PCM1: variants seen among roughly 807,000 people sequenced by gnomAD.
PCM1 encodes pericentriolar material 1 protein.
In PCM1, 157 loss-of-function variants were observed where a neutral mutation model predicts 241.9. The observed-to-expected ratio is 0.65, with a 90% CI of 0.57 to 0.74. PCM1 has a LOEUF of 0.74. PCM1 is among the 30% of genes least tolerant of loss of function. The probability of loss-of-function intolerance (pLI) is 0.00; values close to 1 mark genes in which losing one functional copy is unlikely to be tolerated. For synonymous variants in PCM1, 1,085 were observed against 784.9 expected (o/e 1.38, Z -6.39); for missense variants, 3,478 against 2,360.1 (o/e 1.47, Z -9.81).
At chr8:17,928,219 G>C (rs989526698) in intron 2 of PCM1, among the ~76,000 whole-genome samples, 3 of 152,138 alleles carry the variant, frequency 2.0e-5, no homozygotes, top group Admixed American at 2.0e-4. Context: ...TTTATATTGA[G>C]GGATATGAGC....
chr8:17,953,790 T>C (rs559675588), intron 9 of PCM1, among the ~76,000 whole-genome samples: 27 of 152,306 alleles, frequency 1.8e-4, no homozygotes, highest in South Asian at 6.2e-4. Flanking sequence ...CTTCAGTTCC[T>C]ATCCTAATAC....
At chr8:17,949,641 G>A (rs1348765358) in intron 7 of PCM1, among the ~76,000 whole-genome samples, 1 of 152,016 alleles carries the variant, frequency 6.6e-6, no homozygotes, top group South Asian at 2.1e-4. Flanking sequence ...AGGAATACAG[G>A]CGTGCTGTAC....
chr8:17,952,878 CT>C, intron 8 of PCM1, 91 bp from the exon 9 acceptor site: 1 of 781,574 alleles, frequency 1.3e-6, no homozygotes, highest in Non-Finnish European at 2.0e-6. Context: ...ATTTCTTTCT[CT>C]TTATAAAGAA....
intron 17 of PCM1, among the ~76,000 whole-genome samples, chr8:17,964,319 G>A (rs1461221504): frequency 6.6e-6 from 1 of 152,212 alleles, no homozygotes; most frequent in East Asian, 1.9e-4. Context: ...GCTTTGGGAA[G>A]TAGTCCCAGG....
chr8:17,986,569 G>A (rs2082673599), intron 26 of PCM1, among the ~76,000 whole-genome samples: 1 of 151,382 alleles, frequency 6.6e-6, no homozygotes, highest in Admixed American at 6.6e-5. Context: ...TTTGAATAGA[G>A]TAAAAAGGAC....
chr8:18,022,126 T>G (rs2093803228), intron 36 of PCM1, among the ~76,000 whole-genome samples: 2 of 152,148 alleles, frequency 1.3e-5, no homozygotes, highest in South Asian at 4.1e-4. Context: ...GTTTTCAGCC[T>G]TGGGTCCATC....
chr8:17,996,492 T>A (rs952992299), intron 29 of PCM1, among the ~76,000 whole-genome samples: 19 of 152,222 alleles, frequency 1.2e-4, no homozygotes, highest in Non-Finnish European at 2.5e-4. Flanking sequence ...TTTGTCTTTT[T>A]TTCTTAGTCT....
intron 8 of PCM1, among the ~76,000 whole-genome samples, chr8:17,952,112 G>A (rs208758): frequency 0.79 from 119,235 of 151,754 alleles, 47,422 homozygotes; most frequent in African/African-American, 0.87. Flanking sequence ...AATCTCAGCT[G>A]CTTGAGAGGC....
At chr8:17,968,762 G>GTGTGTGTGTGTATATATA (rs373502456) in intron 21 of PCM1, among the ~76,000 whole-genome samples, 1 of 136,732 alleles carries the variant, frequency 7.3e-6, no homozygotes, top group African/African-American at 2.8e-5. Context: ...GTGTGTGTGT[G>GTGTGTGTGTGTATATATA]TATATATATA....
At chr8:17,961,693 C>T (rs1410617023) in intron 15 of PCM1, among the ~76,000 whole-genome samples, 1 of 152,132 alleles carries the variant, frequency 6.6e-6, no homozygotes, top group Non-Finnish European at 1.5e-5. Context: ...TAAACCCTTG[C>T]CTTTCCTACT....
intron 23 of PCM1, among the ~76,000 whole-genome samples, chr8:17,980,038 G>C (rs1426981510): frequency 6.6e-6 from 1 of 151,262 alleles, no homozygotes; most frequent in Admixed American, 6.6e-5. Flanking sequence ...GGTAGGTATA[G>C]CCACCTATCC....
rs569762010 is a variant in PCM1, at chr8:17,999,627, G to A, written c.4827+6008G>A. On this transcript the variant is annotated intron_variant, in intron 29 of 38. Coordinates refer to ENST00000325083, the MANE Select transcript of PCM1 (RefSeq NM_006197.4). Reference sequence around the variant, plus strand: ...TGCAGTCAGTGCTGCCTGGGGTTGGGGGAGGGGTGGCGTCAGCAATTCAAG... The same window carrying A: ...TGCAGTCAGTGCTGCCTGGGGTTGGAGGAGGGGTGGCGTCAGCAATTCAAG... Among the ~76,000 whole-genome samples the A allele has an allele frequency of 6.4e-4, 97 of 152,250 alleles. 1 individual carries two copies. In the South Asian group the frequency reaches 0.02, roughly 31 times the overall value.
chr8:17,996,867 C>T (rs1256299645), intron 29 of PCM1, among the ~76,000 whole-genome samples: 1 of 152,040 alleles, frequency 6.6e-6, no homozygotes, highest in Non-Finnish European at 1.5e-5. Flanking sequence ...CTTACTGTAC[C>T]ATGTCTTGAA....
At chr8:17,964,225 C>G (rs1311205558) in intron 17 of PCM1, among the ~76,000 whole-genome samples, 1 of 152,192 alleles carries the variant, frequency 6.6e-6, no homozygotes, top group Non-Finnish European at 1.5e-5. Flanking sequence ...AGCACAGATA[C>G]AGATGATTGC....
chr8:18,008,183 C>T (rs1301338099), intron 30 of PCM1, among the ~76,000 whole-genome samples: 5 of 152,036 alleles, frequency 3.3e-5, no homozygotes, highest in Non-Finnish European at 7.4e-5. Context: ...ACAGTCCCTC[C>T]CCACGGCTCT....
In PCM1 at chr8:17,955,555, C is replaced by T; in HGVS notation, c.1374C>T (p.Ser458=). Residue 458 remains serine (S), a synonymous_variant, in exon 10 of 39, where the codon TCC becomes TCT. Transcript: ENST00000325083. ...TGGCACCGGTTGTCAATGGAGAATC[C>T]AATAGCCTCACATCATCTGTTCCTT... is the stretch of plus-strand genomic sequence containing the variant. ...VGLAPVVNGE[S]NSLTSSVPYP... is the part of the protein sequence containing the mutation. The T allele has an allele frequency of 1.2e-6, 2 of 1,613,532 alleles. No homozygotes were observed. Among genetic ancestry groups the T allele is most frequent in the Middle Eastern group, 1.7e-4 (1 of 6,060 alleles).
chr8:17,960,288 A>G (rs756012759), intron 14 of PCM1, 27 bp from the exon 15 acceptor site: 5 of 1,590,370 alleles, frequency 3.1e-6, no homozygotes, highest in South Asian at 1.2e-5. Flanking sequence ...ATTGGAGTCC[A>G]TAAATATAAT....
chr8:17,926,924 A>G (rs1402172854), intron 2 of PCM1: 3 of 152,094 alleles, frequency 2.0e-5, no homozygotes, highest in Non-Finnish European at 4.4e-5. Context: ...TGAGATGGAT[A>G]TTGGAATTGA....
chr8:17,950,787 G>C lies in PCM1; in HGVS notation c.1071+63G>C, dbSNP rs575249100. 10 of 914,870 alleles carry C rather than the reference G, an allele frequency of 1.1e-5. No individual in the cohort carries two copies. In the South Asian group the frequency reaches 1.3e-4, roughly 12 times the overall value. 56.7% of individuals were successfully genotyped at this position (914,870 alleles called of 1,614,324 possible). A position where few individuals can be genotyped will look rare whatever the true frequency, so the allele number is the denominator to read the frequency against. Reference sequence around the variant, plus strand: ...TCACATTAATTAGAACAGTGATTCAGAAACTTCAGTGAGCATACATATCAC... The same window carrying C: ...TCACATTAATTAGAACAGTGATTCACAAACTTCAGTGAGCATACATATCAC... On this transcript the variant is annotated intron_variant, in intron 8 of 38. Coordinates refer to ENST00000325083, the MANE Select transcript of PCM1 (RefSeq NM_006197.4).
Sources: allele counts gnomAD v4.1 joint callset (sites outside exome capture counted in the v4.1 genomes callset), GRCh38; gene constraint gnomAD v4.1.1; transcripts MANE v1.5; gene names NCBI Gene and HGNC (gene_info 2026-07-23, HGNC 2026-07-21).